Variants in TRPM3 observed in about 807,000 individuals in gnomAD.
The protein encoded by TRPM3 is long transient receptor potential channel 3.
Under a neutral mutation model 181.2 loss-of-function variants are expected in TRPM3, and 77 were observed. The observed-to-expected ratio is 0.42, with a 90% confidence interval of 0.35 to 0.51. The LOEUF (loss-of-function observed/expected upper bound fraction) is 0.51. Ranked by LOEUF, TRPM3 falls within the 20% of genes least tolerant of loss-of-function variation. TRPM3 has a pLI of 0.01. For missense variants in TRPM3, 1,759 were observed against 2,196.7 expected, an observed-to-expected ratio of 0.80 and a Z score of 3.98; for synonymous variants, 745 against 796.4, an observed-to-expected ratio of 0.94 and a Z score of 1.09.
intron 1 of TRPM3, among the ~76,000 whole-genome samples, chr9:71,227,329 C>T (rs1047726931): frequency 2.6e-5 from 4 of 151,714 alleles, no homozygotes; most frequent in Admixed American, 2.6e-4. Context: ...ACATACAAAA[C>T]CTATGGGATA....
intron 1 of TRPM3, among the ~76,000 whole-genome samples, chr9:71,403,308 G>A (rs958561621): frequency 2.6e-5 from 4 of 152,160 alleles, no homozygotes; most frequent in African/African-American, 9.7e-5. Flanking sequence ...GCCTAAAATA[G>A]TTACCTTCTG....
chr9:70,765,732 C>A (rs2078987748), intron 7 of TRPM3, among the ~76,000 whole-genome samples: 2 of 152,092 alleles, frequency 1.3e-5, no homozygotes, highest in South Asian at 4.1e-4. Context: ...TATTTTGTAA[C>A]CATGTTCCTT....
intron 22 of TRPM3, among the ~76,000 whole-genome samples, chr9:70,560,188 G>A (rs2048717338): frequency 6.6e-6 from 1 of 152,172 alleles, no homozygotes; most frequent in East Asian, 1.9e-4. Context: ...AACATGTGCC[G>A]AGGGGTGAAA....
intron 1 of TRPM3, among the ~76,000 whole-genome samples, chr9:71,045,634 C>A: frequency 6.6e-6 from 1 of 152,130 alleles, no homozygotes; most frequent in East Asian, 1.9e-4. Context: ...ATAAAAAATG[C>A]AGACAAGAAA....
In TRPM3 at chr9:71,421,338, A is replaced by G. The variant is rs139179694; in HGVS notation, c.183+25315T>C. 5.9e-4 allele frequency among the ~76,000 whole-genome samples: 89 copies of G among 152,008 alleles called. 1 individual carries two copies. The highest frequency in any genetic ancestry group is 2.0e-3 in the African/African-American group (82 of 41,506). On this transcript the variant is annotated intron_variant, in intron 1 of 24. Coordinates refer to the TRPM3 transcript ENST00000357533. ...AGTATACCCACGTAACAAACCACCA[A>G]TCTACTCCCTGTATCTAAAATAAAA...
chr9:71,313,445 G>C (rs1345613957), intron 1 of TRPM3, among the ~76,000 whole-genome samples: 1 of 152,014 alleles, frequency 6.6e-6, no homozygotes, highest in African/African-American at 2.4e-5. Context: ...GCAAAACATA[G>C]CAAATGCATT....
At chr9:71,107,473 AT>A (rs1345425030) in intron 1 of TRPM3, among the ~76,000 whole-genome samples, 6 of 152,092 alleles carry the variant, frequency 3.9e-5, no homozygotes, top group African/African-American at 7.2e-5. Context: ...TTATATTGTT[AT>A]TTCCAATTTC....
chr9:71,221,582 C>A (rs776621992), intron 1 of TRPM3, among the ~76,000 whole-genome samples: 9 of 152,066 alleles, frequency 5.9e-5, no homozygotes, highest in Non-Finnish European at 1.2e-4. Flanking sequence ...TCTTTTGGGA[C>A]CATCCACAGT....
chr9:71,017,329 G>A (rs939261393), intron 1 of TRPM3, among the ~76,000 whole-genome samples: 1 of 151,804 alleles, frequency 6.6e-6, no homozygotes, highest in Non-Finnish European at 1.5e-5. Flanking sequence ...TGGCCTATTT[G>A]AACCAAAATA....
chr9:71,098,020 T>G (rs2134006207), intron 1 of TRPM3, among the ~76,000 whole-genome samples: 1 of 152,192 alleles, frequency 6.6e-6, no homozygotes. Context: ...AAGAAAAGGA[T>G]GCAAAAATTC....
chr9:70,876,817 T>G (rs1226911491), intron 1 of TRPM3, among the ~76,000 whole-genome samples: 1 of 151,988 alleles, frequency 6.6e-6, no homozygotes, highest in Non-Finnish European at 1.5e-5. Context: ...AAGTTATCAT[T>G]TTTCCCCTTT....
chr9:71,204,324 G>T (rs1460477621), intron 1 of TRPM3, among the ~76,000 whole-genome samples: 2 of 151,596 alleles, frequency 1.3e-5, no homozygotes, highest in African/African-American at 2.4e-5. Flanking sequence ...CTGACATAGG[G>T]CTAATATCCA....
At position 70,952,148 on chromosome 9, in the gene TRPM3, T is replaced by TTTA. The variant is rs2097009601; in HGVS notation, c.178-87638_178-87637insTAA. On this transcript the variant is annotated intron_variant, in intron 1 of 25. Transcript: ENST00000677713. ...CACTCTTTTTCAGCTAAGACTCTAA[T>TTTA]ATTTGATGAACCCATGGCATTAATG... Among the ~76,000 whole-genome samples, 4 of 152,210 alleles carry TTTA rather than the reference T, an allele frequency of 2.6e-5. No individual in the cohort carries two copies. The South Asian group carries it at 8.3e-4, about 31-fold the overall frequency.
At chr9:71,367,171 C>A (rs1329467046) in intron 1 of TRPM3, among the ~76,000 whole-genome samples, 2 of 152,134 alleles carry the variant, frequency 1.3e-5, no homozygotes, top group Non-Finnish European at 2.9e-5. Flanking sequence ...ACTGGCAATG[C>A]TTTACCCCAA....
intron 1 of TRPM3, among the ~76,000 whole-genome samples, chr9:70,881,738 T>A (rs2095997092): frequency 6.6e-6 from 1 of 152,054 alleles, no homozygotes. Flanking sequence ...TGGCCATTTC[T>A]GCATTTCTGC....
chr9:71,407,946 A>G (rs2093468622), intron 1 of TRPM3, among the ~76,000 whole-genome samples: 1 of 152,134 alleles, frequency 6.6e-6, no homozygotes, highest in African/African-American at 2.4e-5. Context: ...CGCTGGTGAT[A>G]CCCAGGCAAA....
chr9:71,129,770 T>C (rs1347937271), intron 1 of TRPM3, among the ~76,000 whole-genome samples: 1 of 152,194 alleles, frequency 6.6e-6, no homozygotes, highest in Non-Finnish European at 1.5e-5. Context: ...AACAACCCAA[T>C]GACCCTAACT....
At chr9:71,118,687 C>T (rs986170247) in intron 1 of TRPM3, among the ~76,000 whole-genome samples, 2 of 152,044 alleles carry the variant, frequency 1.3e-5, no homozygotes, top group African/African-American at 4.8e-5. Flanking sequence ...TAAGCACTAC[C>T]TGTTGAATAG....
At chr9:70,846,928 T>C (rs2094983469) in intron 3 of TRPM3, among the ~76,000 whole-genome samples, 1 of 152,244 alleles carries the variant, frequency 6.6e-6, no homozygotes, top group African/African-American at 2.4e-5. Flanking sequence ...ACAGTTCAAA[T>C]GTTTCTAATA....
Sources: gnomAD v4.1 joint callset for allele counts (sites outside exome capture counted in the v4.1 genomes callset) on GRCh38, gnomAD v4.1.1 for gene constraint, MANE v1.5 for transcripts, NCBI Gene and HGNC (gene_info 2026-07-23, HGNC 2026-07-21) for gene names.